Variants in AP4S1 observed in about 807,000 individuals in gnomAD.
The protein encoded by AP4S1 is adaptor related protein complex 4 subunit sigma 1.
AP4S1 carries 23 observed loss-of-function variants against 19.8 expected under a neutral mutation model. That is an observed-to-expected ratio of 1.16 (90% CI 0.84 to 1.65). The LOEUF (loss-of-function observed/expected upper bound fraction) is 1.65. Ranked by LOEUF, AP4S1 falls within the 40% of genes most tolerant of loss-of-function variation. The probability of loss-of-function intolerance (pLI) is 0.00; values close to 1 mark genes in which losing one functional copy is unlikely to be tolerated. For synonymous variants in AP4S1, 46 were observed against 54.1 expected (o/e 0.85, Z 0.66); for missense variants, 166 against 172.8 (o/e 0.96, Z 0.22).
At chr14:31,075,560 C>T (rs1887309229) in intron 4 of AP4S1, among the ~76,000 whole-genome samples, 1 of 151,990 alleles carries the variant, frequency 6.6e-6, no homozygotes, top group Non-Finnish European at 1.5e-5. Context: ...CTTTCTGTGT[C>T]TATAGATTTG....
chr14:31,071,008 C>T (rs551487879), intron 3 of AP4S1, among the ~76,000 whole-genome samples: 50 of 152,032 alleles, frequency 3.3e-4, no homozygotes, highest in Non-Finnish European at 5.9e-4. Context: ...GCCGAGATTG[C>T]GCCACTGGAC....
intron 1 of AP4S1, among the ~76,000 whole-genome samples, chr14:31,029,917 C>A (rs574640775): frequency 1.3e-5 from 2 of 150,542 alleles, no homozygotes; most frequent in South Asian, 4.2e-4. Context: ...TCCCTGAATT[C>A]TTTTGACTCA....
Position 31,049,275 on chromosome 14 carries a change from G to A in AP4S1, c.-71-16851G>A, listed in dbSNP as rs571190976. The stretch of plus-strand genomic sequence containing the variant: ...AAAAAATACAAAAAATTAGCCAGGC[G>A]TGGTGGCGGGTGCCTGTAGCCCCAG... On this transcript the variant is annotated intron_variant, in intron 1 of 5. Transcript: ENST00000542754. Among the ~76,000 whole-genome samples, 71 of 150,748 alleles carry A rather than the reference G, an allele frequency of 4.7e-4. 1 individual carries two copies. Among genetic ancestry groups the A allele is most frequent in the African/African-American group, 1.6e-3 (66 of 41,130 alleles).
At chr14:31,033,981 C>G (rs1007221952) in intron 1 of AP4S1, among the ~76,000 whole-genome samples, 1 of 152,174 alleles carries the variant, frequency 6.6e-6, no homozygotes, top group Admixed American at 6.5e-5. Context: ...TGCCTGGAGC[C>G]AAGTCCCTCC....
chr14:31,084,538 G>A (rs2139114380), intron 5 of AP4S1, among the ~76,000 whole-genome samples: 1 of 152,322 alleles, frequency 6.6e-6, no homozygotes, highest in South Asian at 2.1e-4. Context: ...CTGGTGCAGT[G>A]GTGTCAGGTG....
chr14:31,081,176 T>G (rs1427892080), intron 5 of AP4S1, among the ~76,000 whole-genome samples: 1 of 152,244 alleles, frequency 6.6e-6, no homozygotes, highest in Middle Eastern at 3.4e-3. Flanking sequence ...TTAATTTCCT[T>G]TAAGCATATG....
At chr14:31,028,259 C>T (rs1196865348) in intron 1 of AP4S1, among the ~76,000 whole-genome samples, 1 of 151,784 alleles carries the variant, frequency 6.6e-6, no homozygotes, top group African/African-American at 2.4e-5. Flanking sequence ...CTTGTTGCAA[C>T]CTGGAGCTCC....
At chr14:31,083,796 C>T in intron 5 of AP4S1, 1 of 321,838 alleles carries the variant, frequency 3.1e-6, no homozygotes, top group Non-Finnish European at 6.1e-6. Flanking sequence ...TAAAAGGTTA[C>T]TACCCTTAGC....
chr14:31,085,199 C>T (rs2139117413), intron 5 of AP4S1: 3 of 1,108,224 alleles, frequency 2.7e-6, no homozygotes, highest in South Asian at 6.0e-5. Flanking sequence ...TACTGCTTGA[C>T]CATCCTCTGA....
At chr14:31,049,175 A>G (rs1885590801) in intron 1 of AP4S1, among the ~76,000 whole-genome samples, 1 of 151,738 alleles carries the variant, frequency 6.6e-6, no homozygotes, top group South Asian at 2.1e-4. Context: ...ACACTTTGGG[A>G]GGTCGAGGCG....
chr14:31,052,281 A>G (rs1296107964), intron 1 of AP4S1, among the ~76,000 whole-genome samples: 3 of 152,160 alleles, frequency 2.0e-5, no homozygotes, highest in Non-Finnish European at 4.4e-5. Flanking sequence ...GGGAAAAAAA[A>G]GACATGAAGT....
In AP4S1 at chr14:31,072,811, G is replaced by A. The variant is rs528119878; in HGVS notation, c.226-94G>A. ...ACATTATCGGTTCACTAAGCCACAT[G>A]CTCTAAAACCTGGACACTGACTGGG... On this transcript the variant is annotated intron_variant, in intron 3 of 5. Coordinates refer to ENST00000542754, the MANE Select transcript of AP4S1 (RefSeq NM_001128126.3). 19 of 1,004,862 alleles carry A rather than the reference G, an allele frequency of 1.9e-5. No individual in the cohort carries two copies. In the South Asian group the frequency reaches 2.2e-4, roughly 12 times the overall value. 62.2% of individuals were successfully genotyped at this position (1,004,862 alleles called of 1,614,324 possible). A position where few individuals can be genotyped will look rare whatever the true frequency, so the allele number is the denominator to read the frequency against.
intron 1 of AP4S1, among the ~76,000 whole-genome samples, chr14:31,042,134 A>G (rs1319291354): frequency 2.0e-5 from 3 of 152,196 alleles, no homozygotes; most frequent in South Asian, 4.1e-4. Context: ...CCCGGCCAAC[A>G]TTACTTAAAA....
chr14:31,045,283 G>T (rs35941434), intron 1 of AP4S1, among the ~76,000 whole-genome samples: 21,954 of 152,076 alleles, frequency 0.14, 1,756 homozygotes, highest in Non-Finnish European at 0.16. Context: ...ACCACATACC[G>T]TTTGATATGG....
At chr14:31,087,041 C>T (rs976338873) in intron 5 of AP4S1, among the ~76,000 whole-genome samples, 2 of 151,926 alleles carry the variant, frequency 1.3e-5, no homozygotes, top group African/African-American at 2.4e-5. Context: ...TACAGACATG[C>T]ACCACCACAC....
intron 4 of AP4S1, among the ~76,000 whole-genome samples, chr14:31,079,671 CA>C (rs1416512072): frequency 6.6e-6 from 1 of 151,936 alleles, no homozygotes; most frequent in African/African-American, 2.4e-5. Flanking sequence ...ACAAAAAATA[CA>C]AAAATTAGCC....
At chr14:31,055,360 A>G (rs986403333) in intron 1 of AP4S1, among the ~76,000 whole-genome samples, 3 of 152,180 alleles carry the variant, frequency 2.0e-5, no homozygotes, top group African/African-American at 7.2e-5. Context: ...ACAACATGTT[A>G]TCATGATGAC....
At chr14:31,046,705 G>T (rs1010490070) in intron 1 of AP4S1, among the ~76,000 whole-genome samples, 1 of 152,068 alleles carries the variant, frequency 6.6e-6, no homozygotes, top group Non-Finnish European at 1.5e-5. Flanking sequence ...AGTTAGCCGG[G>T]CATGGTGGTG....
intron 1 of AP4S1, among the ~76,000 whole-genome samples, chr14:31,064,135 A>G (rs1274480553): frequency 6.6e-6 from 1 of 152,224 alleles, no homozygotes; most frequent in African/African-American, 2.4e-5. Flanking sequence ...CAGCACAAGC[A>G]TGAACCCCTG....
Sources: gnomAD v4.1 joint callset for allele counts (sites outside exome capture counted in the v4.1 genomes callset) on GRCh38, gnomAD v4.1.1 for gene constraint, MANE v1.5 for transcripts, NCBI Gene and HGNC (gene_info 2026-07-23, HGNC 2026-07-21) for gene names.